The following C1QTNF3 variants were observed in gnomAD, a reference collection of about 807,000 sequenced individuals.
The protein encoded by C1QTNF3 is C1q and TNF related 3, also known as complement C1q tumor necrosis factor-related protein 3.
C1QTNF3 carries 26 observed loss-of-function variants against 32.6 expected under a neutral mutation model. That is an observed-to-expected ratio of 0.80 (90% CI 0.58 to 1.11). C1QTNF3 has a LOEUF of 1.11. Among genes scored for constraint, C1QTNF3 ranks in the 50% least tolerant of loss-of-function variants. The pLI is 0.00. For missense variants in C1QTNF3, 362 were observed against 398.2 expected (o/e 0.91, Z 0.77); for synonymous variants, 155 against 146.0 (o/e 1.06, Z -0.44).
the C1QTNF3 span, among the ~76,000 whole-genome samples, chr5:34,108,176 T>C: frequency 6.6e-6 from 1 of 152,206 alleles, no homozygotes; most frequent in African/African-American, 2.4e-5. Flanking sequence ...GTTTTTTTGT[T>C]ATCGCTATAT....
the C1QTNF3 span, among the ~76,000 whole-genome samples, chr5:34,052,373 G>C: frequency 6.6e-6 from 1 of 152,102 alleles, no homozygotes. Flanking sequence ...CTTCTCACTA[G>C]ATCATCTATA....
chr5:34,170,763 T>G, the C1QTNF3 span, among the ~76,000 whole-genome samples: 6 of 152,172 alleles, frequency 3.9e-5, no homozygotes, highest in African/African-American at 1.4e-4. Context: ...ACACAAGAAT[T>G]GATACCAACT....
chr5:34,020,462 T>C lies in C1QTNF3; in HGVS notation c.*121A>G, dbSNP rs975978616. 4 of 1,212,324 alleles carry C rather than the reference T, an allele frequency of 3.3e-6. No individual in the cohort carries two copies. Among genetic ancestry groups the C allele is most frequent in the Non-Finnish European group, 4.7e-6 (4 of 856,408 alleles). 75.1% of individuals were successfully genotyped at this position (1,212,324 alleles called of 1,614,324 possible). On this transcript the variant is annotated 3_prime_UTR_variant, in exon 6 of 6. Transcript: ENST00000382065. ...TGGTGTACCTGTAGCGTGAACAACA[T>C]TGCAACCAATAATTTTTTGAATACA...
At chr5:34,081,621 C>A in the C1QTNF3 span, among the ~76,000 whole-genome samples, 1 of 150,838 alleles carries the variant, frequency 6.6e-6, no homozygotes, top group Admixed American at 6.6e-5. Context: ...TTAACAAATG[C>A]CAATGGTAAA....
At chr5:34,188,039 C>T in the C1QTNF3 span, among the ~76,000 whole-genome samples, 10,717 of 116,538 alleles carry the variant, frequency 0.092, no homozygotes, top group East Asian at 0.3. Flanking sequence ...TGCATCCCAG[C>T]TGCTCCTGCC....
chr5:34,056,941 G>A, the C1QTNF3 span, among the ~76,000 whole-genome samples: 1 of 152,152 alleles, frequency 6.6e-6, no homozygotes, highest in East Asian at 1.9e-4. Context: ...ACCTACTAAT[G>A]CCATCAGCAG....
intron 4 of C1QTNF3, among the ~76,000 whole-genome samples, chr5:34,024,937 C>G (rs976176610): frequency 6.6e-6 from 1 of 152,182 alleles, no homozygotes; most frequent in African/African-American, 2.4e-5. Context: ...CCTTTCAAGA[C>G]AATAACCCAG....
chr5:34,177,778 C>A, the C1QTNF3 span, among the ~76,000 whole-genome samples: 3 of 151,878 alleles, frequency 2.0e-5, no homozygotes, highest in Non-Finnish European at 4.4e-5. Flanking sequence ...TCAGCCACTG[C>A]ACCCAGCCAC....
chr5:34,023,815 C>G, intron 5 of C1QTNF3, 94 bp downstream of exon 5: 1 of 863,826 alleles, frequency 1.2e-6, no homozygotes. Context: ...CCATGTCAGG[C>G]TCTATTGACT....
the C1QTNF3 span, among the ~76,000 whole-genome samples, chr5:34,146,711 T>G: frequency 1.3e-5 from 2 of 152,172 alleles, no homozygotes. Context: ...ACTAAAATCC[T>G]AGAAGAAAAC....
the C1QTNF3 span, among the ~76,000 whole-genome samples, chr5:34,177,943 C>T: frequency 3.3e-5 from 5 of 151,982 alleles, no homozygotes; most frequent in East Asian, 9.7e-4. Context: ...TCTATCAATG[C>T]TGACCTAGAC....
At chr5:34,060,006 C>A in the C1QTNF3 span, among the ~76,000 whole-genome samples, 1 of 152,196 alleles carries the variant, frequency 6.6e-6, no homozygotes, top group Non-Finnish European at 1.5e-5. Context: ...GGCCACCTTC[C>A]TCAGGACCTG....
the C1QTNF3 span, among the ~76,000 whole-genome samples, chr5:34,118,853 A>G: frequency 1.3e-5 from 2 of 152,174 alleles, no homozygotes; most frequent in South Asian, 4.1e-4. Context: ...TCGCTTTATC[A>G]TTAAATATTG....
At chr5:34,234,338 C>G in the C1QTNF3 span, among the ~76,000 whole-genome samples, 1 of 152,148 alleles carries the variant, frequency 6.6e-6, no homozygotes, top group African/African-American at 2.4e-5. Flanking sequence ...TCTACTATTA[C>G]CAAATTGTAT....
At chr5:34,073,494 ATATTT>A in the C1QTNF3 span, among the ~76,000 whole-genome samples, 1 of 152,252 alleles carries the variant, frequency 6.6e-6, no homozygotes, top group Non-Finnish European at 1.5e-5. Flanking sequence ...GTTTGTCTAG[ATATTT>A]TATATAAAAC....
the C1QTNF3 span, among the ~76,000 whole-genome samples, chr5:34,201,307 T>G: frequency 6.6e-6 from 1 of 152,160 alleles, no homozygotes; most frequent in East Asian, 1.9e-4. Flanking sequence ...CAAATGAACC[T>G]ACAAACACAG....
the C1QTNF3 span, among the ~76,000 whole-genome samples, chr5:34,216,037 C>T: frequency 2.0e-5 from 3 of 152,140 alleles, no homozygotes; most frequent in African/African-American, 7.2e-5. Flanking sequence ...CCTCTTGTTC[C>T]GTCTTTTATA....
At chr5:34,226,665 C>T in the C1QTNF3 span, among the ~76,000 whole-genome samples, 1 of 151,708 alleles carries the variant, frequency 6.6e-6, no homozygotes, top group Admixed American at 6.6e-5. Context: ...CCCCACCACC[C>T]CAGCACAGTC....
At chr5:34,203,682 T>A in the C1QTNF3 span, among the ~76,000 whole-genome samples, 1 of 148,218 alleles carries the variant, frequency 6.7e-6, no homozygotes, top group African/African-American at 2.5e-5. Context: ...TGAAACTCCA[T>A]CTAAAAGTAA....
Sources: allele counts gnomAD v4.1 joint callset (sites outside exome capture counted in the v4.1 genomes callset), GRCh38; gene constraint gnomAD v4.1.1; transcripts MANE v1.5; gene names NCBI Gene and HGNC (gene_info 2026-07-23, HGNC 2026-07-21).